The following PALLD variants were observed in gnomAD, a reference collection of about 807,000 sequenced individuals.
PALLD encodes the protein palladin.
PALLD carries 61 observed loss-of-function variants against 123.5 expected under a neutral mutation model. That is an observed-to-expected ratio of 0.49 (90% CI 0.40 to 0.61). The LOEUF (loss-of-function observed/expected upper bound fraction) is 0.61, where lower values mean the gene tolerates loss of function less well. Among genes scored for constraint, PALLD ranks in the 20% least tolerant of loss-of-function variants. The pLI, the probability that PALLD is intolerant of heterozygous loss-of-function variation, is 0.00. For missense variants in PALLD, 1,273 were observed against 1,377.0 expected (o/e 0.92, Z 1.20); for synonymous variants, 465 against 496.4 (o/e 0.94, Z 0.84).
chr4:168,856,115 A>T (rs926132852), intron 10 of PALLD, among the ~76,000 whole-genome samples: 1 of 152,160 alleles, frequency 6.6e-6, no homozygotes, highest in South Asian at 2.1e-4. Context: ...CTGTTCCTGC[A>T]TTAATTTGTT....
chr4:168,896,812 T>G (rs1755282956), intron 13 of PALLD, among the ~76,000 whole-genome samples: 1 of 152,052 alleles, frequency 6.6e-6, no homozygotes, highest in African/African-American at 2.4e-5. Flanking sequence ...TTTATTTATT[T>G]TTACTTTATG....
chr4:168,593,649 A>G (rs542321527), intron 2 of PALLD, among the ~76,000 whole-genome samples: 114 of 152,240 alleles, frequency 7.5e-4, no homozygotes, highest in African/African-American at 2.6e-3. Context: ...AAATGCAAAT[A>G]TACATCTCCA....
Position 168,690,634 on chromosome 4 carries a change from A to G in PALLD, c.1367A>G (p.Gln456Arg). Residue 456 changes from glutamine to arginine, a missense_variant, in exon 7 of 22, where the codon CAG becomes CGG. Coordinates refer to ENST00000505667, the MANE Select transcript of PALLD (RefSeq NM_001166108.2). ...ELQNTAVAEG[Q>R]VVVLECRVRG... ...CAAAACACAGCCGTGGCGGAAGGCC[A>G]GGTGGTGGTTCTGGAGTGCCGGGTC... The G allele has an allele frequency of 6.2e-7, 1 of 1,614,206 alleles. No individual in the cohort carries two copies. The highest frequency in any genetic ancestry group is 8.5e-7 in the Non-Finnish European group (1 of 1,180,022).
intron 2 of PALLD, among the ~76,000 whole-genome samples, chr4:168,519,700 T>C (rs982289189): frequency 1.3e-5 from 2 of 151,992 alleles, no homozygotes; most frequent in African/African-American, 4.8e-5. Context: ...ACACACACTA[T>C]GGACCTGGTT....
rs76034096 is a variant in PALLD, at chr4:168,515,232, C to A, written c.908+2820C>A. On this transcript the variant is annotated intron_variant, in intron 2 of 21. Transcript: ENST00000505667. ...GCACCAGACGCCTAAGAACATTGAG[C>A]TCTTTTGACCACATGAGACATATGA... is the stretch of plus-strand genomic sequence containing the variant. 2.9e-3 allele frequency among the ~76,000 whole-genome samples: 441 copies of A among 152,282 alleles called. 2 individuals carry two copies. Among genetic ancestry groups the A allele is most frequent in the African/African-American group, 0.01 (427 of 41,570 alleles).
intron 3 of PALLD, among the ~76,000 whole-genome samples, chr4:168,673,993 C>T (rs1190012878): frequency 6.6e-6 from 1 of 152,046 alleles, no homozygotes; most frequent in Non-Finnish European, 1.5e-5. Flanking sequence ...CGGCTCACTG[C>T]AACCTCCACC....
intron 10 of PALLD, among the ~76,000 whole-genome samples, chr4:168,787,411 A>C (rs1736905262): frequency 6.6e-6 from 1 of 152,218 alleles, no homozygotes; most frequent in African/African-American, 2.4e-5. Flanking sequence ...AAGTTTTCTT[A>C]CAATTGAGCA....
At chr4:168,594,916 C>A (rs1338375655) in intron 2 of PALLD, among the ~76,000 whole-genome samples, 1 of 152,122 alleles carries the variant, frequency 6.6e-6, no homozygotes, top group Non-Finnish European at 1.5e-5. Flanking sequence ...GGAAACTTTG[C>A]TAGGCTTATG....
chr4:168,535,376 A>G (rs990365834), intron 2 of PALLD, among the ~76,000 whole-genome samples: 1 of 152,198 alleles, frequency 6.6e-6, no homozygotes, highest in African/African-American at 2.4e-5. Flanking sequence ...AAATAATTCA[A>G]TGATTTTCCA....
Position 168,925,270 on chromosome 4 carries a change from AAT to A in PALLD, c.*26_*27del, listed in dbSNP as rs763877757. 3.1e-6 allele frequency: 5 copies of A among 1,604,346 alleles called. No homozygotes were observed. In the African/African-American group the frequency reaches 6.7e-5, roughly 21 times the overall value. Reference sequence around the variant, plus strand: ...AATAGTGAACCACACCAGGAGAACAAATACCCAAGTATCATTCAGGAACTTTG... The same window carrying A: ...AATAGTGAACCACACCAGGAGAACAAACCCAAGTATCATTCAGGAACTTTG... On this transcript the variant is annotated 3_prime_UTR_variant, in exon 21 of 22. Coordinates refer to ENST00000505667, the MANE Select transcript of PALLD (RefSeq NM_001166108.2).
At chr4:168,500,611 A>G (rs11132269) in intron 1 of PALLD, among the ~76,000 whole-genome samples, 5,058 of 152,164 alleles carry the variant, frequency 0.033, 277 homozygotes, top group African/African-American at 0.12. Context: ...CCTGGGCTCA[A>G]GCGATCTTCC....
chr4:168,882,953 G>C (rs1752814309), intron 10 of PALLD, among the ~76,000 whole-genome samples: 1 of 152,122 alleles, frequency 6.6e-6, no homozygotes, highest in Non-Finnish European at 1.5e-5. Flanking sequence ...AGCCGGGCAT[G>C]GTGGTGTGCA....
chr4:168,703,030 G>A (rs963059011), intron 8 of PALLD, among the ~76,000 whole-genome samples: 1 of 138,436 alleles, frequency 7.2e-6, no homozygotes, highest in Admixed American at 7.1e-5. Context: ...CTAGCATTAG[G>A]TATATCTCCC....
chr4:168,798,170 T>C (rs1005467848), intron 10 of PALLD, among the ~76,000 whole-genome samples: 7 of 152,186 alleles, frequency 4.6e-5, no homozygotes, highest in African/African-American at 1.7e-4. Flanking sequence ...AGATGTTTGA[T>C]AGTACACCTC....
rs138572635 is a variant in PALLD, at chr4:168,837,203, C to T, written c.1965-53719C>T. On this transcript the variant is annotated intron_variant, in intron 10 of 21. Transcript: ENST00000505667. ...AAGAGGGGGAAGAGAGCACAGGTAG[C>T]GGAAGAAGTGAGGTCTAGATGTCAT... 1.6e-3 allele frequency among the ~76,000 whole-genome samples: 244 copies of T among 152,174 alleles called. 2 individuals carry two copies. Among genetic ancestry groups the T allele is most frequent in the African/African-American group, 5.3e-3 (221 of 41,504 alleles).
intron 10 of PALLD, among the ~76,000 whole-genome samples, chr4:168,870,635 A>G (rs890647714): frequency 1.3e-5 from 2 of 152,242 alleles, no homozygotes; most frequent in Non-Finnish European, 2.9e-5. Context: ...CTTTGAAATC[A>G]GGTTCTTTAT....
chr4:168,687,642 C>T (rs2150110937), intron 6 of PALLD, among the ~76,000 whole-genome samples: 1 of 152,288 alleles, frequency 6.6e-6, no homozygotes, highest in African/African-American at 2.4e-5. Flanking sequence ...GGCTTTCCTG[C>T]ATGGGTCTGG....
intron 10 of PALLD, among the ~76,000 whole-genome samples, chr4:168,839,353 A>C (rs965992932): frequency 2.6e-5 from 4 of 152,148 alleles, no homozygotes; most frequent in Admixed American, 6.5e-5. Flanking sequence ...GCAGTGAAGA[A>C]GCCTTCTATG....
At position 168,727,763 on chromosome 4, in the gene PALLD, T is replaced by G. The variant is rs548581368; in HGVS notation, c.1964+15840T>G. ...TTTTGTTGCAATTGCTTTTGGAAAC[T>G]TCACCAAAAATGATTTGCCAAAGCT... On this transcript the variant is annotated intron_variant, in intron 10 of 21. Transcript: ENST00000505667. 3.3e-5 allele frequency among the ~76,000 whole-genome samples: 5 copies of G among 152,338 alleles called. No individual in the cohort carries two copies. The South Asian group carries it at 8.3e-4, about 25-fold the overall frequency.
Sources: gnomAD v4.1 joint callset for allele counts (sites outside exome capture counted in the v4.1 genomes callset) on GRCh38, gnomAD v4.1.1 for gene constraint, MANE v1.5 for transcripts, NCBI Gene and HGNC (gene_info 2026-07-23, HGNC 2026-07-21) for gene names.